SRCAP: variants seen among roughly 807,000 people sequenced by gnomAD.
SRCAP encodes the protein Snf2 related CREBBP activator protein.
Under a neutral mutation model 263.1 loss-of-function variants are expected in SRCAP, and 46 were observed. The ratio of observed to expected loss-of-function variants is 0.17; its 90% CI spans 0.14 to 0.22. The LOEUF (loss-of-function observed/expected upper bound fraction) is 0.22, where lower values mean the gene tolerates loss of function less well. SRCAP is among the 10% of genes least tolerant of loss of function. The pLI, the probability that SRCAP is intolerant of heterozygous loss-of-function variation, is 1.00. For missense variants in SRCAP, 3,695 were observed against 4,181.9 expected (o/e 0.88, Z 3.21); for synonymous variants, 1,813 against 1,662.1 (o/e 1.09, Z -2.21).
In SRCAP at chr16:30,724,385, T is replaced by A. The variant is rs774423596; in HGVS notation, c.4961T>A (p.Val1654Glu). 6.2e-7 allele frequency: 1 copy of A among 1,614,184 alleles called. No homozygotes were observed. The highest frequency in any genetic ancestry group is 2.2e-5 in the East Asian group (1 of 44,880). The change falls in exon 25 of 34, where the codon GTG becomes GAG. Residue 1654 changes from valine (V) to glutamate (E), a missense_variant. Transcript: ENST00000262518. The part of the protein sequence containing the change: ...SASPVPAPTP[V>E]LAPSSTQTML... ...TCACCGGTACCAGCTCCAACCCCTGTGTTGGCTCCATCATCAACTCAAACT... is the reference window on the plus strand; with the variant it reads ...TCACCGGTACCAGCTCCAACCCCTGAGTTGGCTCCATCATCAACTCAAACT...
At position 30,722,406 on chromosome 16, in the gene SRCAP, A is replaced by G. The variant is rs188637464; in HGVS notation, c.3706+120A>G. ...ACCCAAGCTTTTGGTGGGTGGGGCC[A>G]ACGGGCATGGTTGGAGGGATCTTGG... On this transcript the variant is annotated intron_variant, in intron 22 of 33. Coordinates refer to ENST00000262518, the MANE Select transcript of SRCAP (RefSeq NM_006662.3). The G allele has an allele frequency of 4.6e-6, 7 of 1,516,056 alleles. 1 individual carries two copies. In the South Asian group the frequency reaches 8.9e-5, roughly 19 times the overall value. The allele number at this position is 1,516,056 out of a possible 1,614,324, so 93.9% of individuals were successfully genotyped here.
Position 30,737,624 on chromosome 16 carries a change from G to A in SRCAP, c.7584G>A (p.Leu2528=), listed in dbSNP as rs776015540. The stretch of plus-strand genomic sequence containing the variant: ...TTGTAACTCCTTCCTCTCCTCTCTT[G>A]CTTGGTCCACCTTCTGTGCCCATCT... ...TCLVTPSSPL[L]LGPPSVPISA... Residue 2528 remains leucine, a synonymous_variant, in exon 34 of 34, where the codon TTG becomes TTA. Transcript: ENST00000262518. 6.2e-6 allele frequency: 10 copies of A among 1,613,790 alleles called. No homozygotes were observed. The South Asian group carries it at 1.1e-4, about 18-fold the overall frequency.
At chr16:30,722,505 C>T (rs2151293388) in intron 22 of SRCAP, 58 bp from the exon 23 acceptor site, 2 of 1,594,366 alleles carry the variant, frequency 1.3e-6, no homozygotes, top group South Asian at 1.1e-5. Flanking sequence ...TGCCTTGCCT[C>T]TGCCCTCCTC....
At chr16:30,728,885 A>T in intron 25 of SRCAP, 81 bp from the exon 26 acceptor site, 1 of 1,472,546 alleles carries the variant, frequency 6.8e-7, no homozygotes, top group Non-Finnish European at 9.0e-7. Context: ...CTATATATTT[A>T]TTTCCATCTG....
intron 21 of SRCAP, 32 bp from the exon 22 acceptor site, chr16:30,722,090 C>G (rs2053016996): frequency 6.2e-7 from 1 of 1,600,970 alleles, no homozygotes; most frequent in Non-Finnish European, 8.5e-7. Context: ...CAGGATGAGC[C>G]TTGTGTACAA....
intron 5 of SRCAP, 21 bp downstream of exon 5, chr16:30,707,389 TC>T: frequency 1.9e-6 from 3 of 1,611,276 alleles, no homozygotes; most frequent in Non-Finnish European, 2.5e-6. Flanking sequence ...CGCTGGGACT[TC>T]CTTCCTTTTC....
In SRCAP at chr16:30,733,449, G is replaced by A; in HGVS notation, c.6297G>A (p.Gln2099=). The change falls in exon 28 of 34, where the codon CAG becomes CAA. Residue 2099 remains glutamine (Q), a splice_region_variant and synonymous_variant. Transcript: ENST00000262518. This position sits in a 1 kb window ranked among gnomAD's most constrained non-coding sequence, Gnocchi z 5.3. ...GATCTACTAGAGTTGAACAGAGACA[G>A]GTAACCCAGGTTTCTGCAGCTCTTA... ...LDGSTRVEQR[Q]ALMERFNADK... 6.2e-7 allele frequency: 1 copy of A among 1,614,122 alleles called. No homozygotes were observed. The highest frequency in any genetic ancestry group is 8.5e-7 in the Non-Finnish European group (1 of 1,180,008).
intron 18 of SRCAP, among the ~76,000 whole-genome samples, chr16:30,716,702 G>T (rs767289670): frequency 1.3e-5 from 2 of 152,102 alleles, no homozygotes; most frequent in African/African-American, 2.4e-5. Context: ...GTAAATTGAG[G>T]AGCATCTGGA....
At chr16:30,711,780 G>A (rs1394840656) in intron 11 of SRCAP, 36 bp downstream of exon 11, 1 of 1,609,948 alleles carries the variant, frequency 6.2e-7, no homozygotes, top group African/African-American at 1.3e-5. Context: ...GCTGGGGAGG[G>A]TGGCCATTGG....
intron 27 of SRCAP, among the ~76,000 whole-genome samples, chr16:30,730,787 C>T (rs1481409118): frequency 6.7e-6 from 1 of 149,912 alleles, no homozygotes; most frequent in Non-Finnish European, 1.5e-5. Context: ...CCTGCCTCAG[C>T]CTCCCGAGTA....
intron 18 of SRCAP, 145 bp from the exon 19 acceptor site, chr16:30,720,017 C>A: frequency 1.2e-6 from 1 of 840,468 alleles, no homozygotes; most frequent in Non-Finnish European, 1.9e-6. Context: ...CAATGTTTAG[C>A]TCCCACTTGT....
Position 30,713,778 on chromosome 16 carries a change from G to A in SRCAP, c.2493+67G>A, listed in dbSNP as rs746981195. On this transcript the variant is annotated intron_variant, in intron 16 of 33. Coordinates refer to ENST00000262518, the MANE Select transcript of SRCAP (RefSeq NM_006662.3). ...GGAACCATTCCTGAGCACCTGGGCA[G>A]TGCCCAGGAAACCCTTGGGGAGAGG... 234 of 1,487,426 alleles carry A rather than the reference G, an allele frequency of 1.6e-4. No individual in the cohort carries two copies. The Admixed American group carries it at 1.8e-3, about 12-fold the overall frequency. 92.1% of individuals were successfully genotyped at this position (1,487,426 alleles called of 1,614,324 possible). A position where few individuals can be genotyped will look rare whatever the true frequency, so the allele number is the denominator to read the frequency against.
chr16:30,713,451 A>G (rs1339168422), intron 15 of SRCAP, 68 bp from the exon 16 acceptor site: 1 of 1,611,186 alleles, frequency 6.2e-7, no homozygotes, highest in Non-Finnish European at 8.5e-7. Flanking sequence ...TGAGGAATGT[A>G]TCAGAATGCT....
chr16:30,699,425 C>T (rs2052740608), intron 1 of SRCAP, among the ~76,000 whole-genome samples, 183 bp downstream of exon 1: 1 of 152,158 alleles, frequency 6.6e-6, no homozygotes. Flanking sequence ...CCTGAGTCTC[C>T]TTTTGCTGTG....
chr16:30,725,336 T>C, intron 25 of SRCAP: 1 of 560,986 alleles, frequency 1.8e-6, no homozygotes, highest in Non-Finnish European at 2.9e-6. Flanking sequence ...TCCCGTTTTT[T>C]AACCCGCACG....
chr16:30,713,036 A>G (rs1400666381), intron 14 of SRCAP, among the ~76,000 whole-genome samples, 172 bp from the exon 15 acceptor site: 4 of 152,122 alleles, frequency 2.6e-5, no homozygotes. Context: ...CTGAGACTAT[A>G]GCTGTGAGCC....
At position 30,723,211 on chromosome 16, in the gene SRCAP, C is replaced by T; in HGVS notation, c.4141C>T (p.Pro1381Ser). Residue 1381 changes from proline (P) to serine (S), a missense_variant, in exon 24 of 34, where the codon CCT (proline) becomes TCT (serine). Around this residue, in one of 12 missense-constraint regions of SRCAP, gnomAD observed 1,347 missense variants for 1,304.4 expected, o/e 1.03. Coordinates refer to ENST00000262518, the MANE Select transcript of SRCAP (RefSeq NM_006662.3). ...VRPLLKLVHS[P>S]SPEVSASAPG... is the part of the protein sequence containing the mutation. ...GCCTCTTCTCAAGCTGGTCCACAGTCCTTCACCTGAAGTCAGTGGTGAGTC... is the reference window on the plus strand; with the variant it reads ...GCCTCTTCTCAAGCTGGTCCACAGTTCTTCACCTGAAGTCAGTGGTGAGTC... The T allele has an allele frequency of 1.2e-6, 2 of 1,611,224 alleles. No individual in the cohort carries two copies. The highest frequency in any genetic ancestry group is 1.7e-6 in the Non-Finnish European group (2 of 1,177,998).
chr16:30,731,365 A>T (rs2053112870), intron 27 of SRCAP, among the ~76,000 whole-genome samples: 1 of 152,162 alleles, frequency 6.6e-6, no homozygotes, highest in African/African-American at 2.4e-5. Context: ...AGGTTCTTTT[A>T]CCCAAGAATG....
In SRCAP at chr16:30,736,390, A is replaced by T; in HGVS notation, c.6920A>T (p.Glu2307Val). Residue 2307 changes from glutamate to valine, a missense_variant, in exon 32 of 34, where the codon GAA becomes GTA. Glu to Val is a moderately radical substitution (Grantham distance 121). Transcript: ENST00000262518. Reference protein sequence around the residue: ...RAEQEIAALVEQLTPIERYAM... With the variant: ...RAEQEIAALVVQLTPIERYAM... ...GAGCAGGAAATTGCTGCCCTCGTAG[A>T]ACAGGTCAGTGCTGGACCCACTAGT... 6.2e-7 allele frequency: 1 copy of T among 1,612,218 alleles called. No homozygotes were observed. The highest frequency in any genetic ancestry group is 1.1e-5 in the South Asian group (1 of 90,868).
Sources: gnomAD v4.1 joint callset for allele counts (sites outside exome capture counted in the v4.1 genomes callset) on GRCh38, gnomAD v4.1.1 for gene constraint, gnomAD v4.1.1 regional missense constraint, Gnocchi (gnomAD v3.1) non-coding constraint, MANE v1.5 for transcripts, NCBI Gene and HGNC (gene_info 2026-07-23, HGNC 2026-07-21) for gene names.